Variants in GALNT18 observed in about 807,000 individuals in gnomAD.
GALNT18 encodes the protein GalNAc-transferase 18.
Under a neutral mutation model 69.5 loss-of-function variants are expected in GALNT18, and 44 were observed. The observed-to-expected ratio is 0.63, with a 90% confidence interval of 0.50 to 0.81. The LOEUF is 0.81. GALNT18 is among the 40% of genes least tolerant of loss of function. The pLI is 0.00. For missense variants in GALNT18, 715 were observed against 810.0 expected, an observed-to-expected ratio of 0.88 and a Z score of 1.42; for synonymous variants, 364 against 318.2, an observed-to-expected ratio of 1.14 and a Z score of -1.53.
chr11:11,405,652 A>C lies in GALNT18; in HGVS notation c.596-26388T>G, dbSNP rs144282206. ...TTAGGAAAGTTAGAGAGACGCGCCG[A>C]ATGCAGACCACAAGTGGGGGCCCTC... On this transcript the variant is annotated intron_variant, in intron 3 of 10. Transcript: ENST00000227756. Among the ~76,000 whole-genome samples, 139 of 152,384 alleles carry C rather than the reference A, an allele frequency of 9.1e-4. 1 individual carries two copies. Among genetic ancestry groups the C allele is most frequent in the African/African-American group, 3.3e-3 (137 of 41,594 alleles).
intron 1 of GALNT18, among the ~76,000 whole-genome samples, chr11:11,579,217 G>A (rs975500828): frequency 6.6e-6 from 1 of 152,184 alleles, no homozygotes; most frequent in Admixed American, 6.5e-5. Context: ...TCCTGCAGCC[G>A]TGGCATGGCG....
In GALNT18 at chr11:11,430,563, G is replaced by C. The variant is rs1021253513; in HGVS notation, c.595+2058C>G. The stretch of plus-strand genomic sequence containing the variant: ...TTGTGAAAGGTCTAGGGTGCTGCTC[G>C]TCTGCATCCCTGATGACGGACTACT... On this transcript the variant is annotated intron_variant, in intron 3 of 10. Transcript: ENST00000227756. This position sits in a 1 kb window ranked among gnomAD's most constrained non-coding sequence, Gnocchi z 4.9. 6.6e-6 allele frequency among the ~76,000 whole-genome samples: 1 copy of C among 152,216 alleles called. No individual in the cohort carries two copies.
At position 11,454,843 on chromosome 11, in the gene GALNT18, C is replaced by A. The variant is rs916915112; in HGVS notation, c.236-5907G>T. On this transcript the variant is annotated intron_variant, in intron 1 of 10. Coordinates refer to ENST00000227756, the MANE Select transcript of GALNT18 (RefSeq NM_198516.3). The surrounding 1 kb of genome is among the most constrained non-coding windows in gnomAD (Gnocchi z 4.2). ...AAGGTGCTCATTACAGAAATCCTCA[C>A]CATCAAGCCCTGAGGGGAGGATTCC... Among the ~76,000 whole-genome samples the A allele has an allele frequency of 6.6e-6, 1 of 152,210 alleles. No individual in the cohort carries two copies. The highest frequency in any genetic ancestry group is 1.5e-5 in the Non-Finnish European group (1 of 68,040).
chr11:11,510,769 T>C (rs986756535), intron 1 of GALNT18, among the ~76,000 whole-genome samples: 5 of 152,182 alleles, frequency 3.3e-5, no homozygotes, highest in Admixed American at 2.6e-4. Flanking sequence ...GAAAATGGGA[T>C]CTCTGTGACT....
At chr11:11,452,527 C>T (rs535706744) in intron 1 of GALNT18, among the ~76,000 whole-genome samples, 15 of 152,218 alleles carry the variant, frequency 9.9e-5, no homozygotes, top group Non-Finnish European at 1.8e-4. Context: ...AAGATGCTGA[C>T]GCCTTCCAGC....
chr11:11,410,061 C>G (rs1854692586), intron 3 of GALNT18, among the ~76,000 whole-genome samples: 1 of 152,318 alleles, frequency 6.6e-6, no homozygotes, highest in African/African-American at 2.4e-5. Flanking sequence ...CTTTGTCTCT[C>G]TGGACGGGGC....
intron 6 of GALNT18, among the ~76,000 whole-genome samples, chr11:11,354,483 C>T (rs78059043): frequency 0.022 from 3,314 of 152,304 alleles, 63 homozygotes; most frequent in Non-Finnish European, 0.032. Flanking sequence ...CAATTCACTT[C>T]ACCTTCCAAC....
intron 2 of GALNT18, among the ~76,000 whole-genome samples, chr11:11,441,303 T>C (rs984594516): frequency 6.6e-6 from 1 of 152,230 alleles, no homozygotes; most frequent in Non-Finnish European, 1.5e-5. Context: ...GTACAGTTAG[T>C]GTGTTCAATT....
At chr11:11,576,997 A>C (rs956230453) in intron 1 of GALNT18, among the ~76,000 whole-genome samples, 2 of 152,124 alleles carry the variant, frequency 1.3e-5, no homozygotes, top group Non-Finnish European at 2.9e-5. Flanking sequence ...GCAGTTGTTT[A>C]ACTCTTTTTC....
intron 10 of GALNT18, among the ~76,000 whole-genome samples, chr11:11,292,627 T>C (rs1849321798): frequency 6.6e-6 from 1 of 152,104 alleles, no homozygotes; most frequent in Admixed American, 6.5e-5. Context: ...GAGGCTTGTA[T>C]AGGAGAAACG....
chr11:11,456,207 C>T (rs1855921105), intron 1 of GALNT18, among the ~76,000 whole-genome samples: 1 of 152,172 alleles, frequency 6.6e-6, no homozygotes, highest in Non-Finnish European at 1.5e-5. Flanking sequence ...AATTCCATTG[C>T]ACTGCACCTA....
rs1049507723 is a variant in GALNT18 at position 11,587,935 on chromosome 11, T to C, written c.235+33424A>G. Among the ~76,000 whole-genome samples the C allele has an allele frequency of 2.0e-5, 3 of 152,140 alleles. No homozygotes were observed. The highest frequency in any genetic ancestry group is 7.2e-5 in the African/African-American group (3 of 41,428). On this transcript the variant is annotated intron_variant, in intron 1 of 10. Coordinates refer to ENST00000227756, the MANE Select transcript of GALNT18 (RefSeq NM_198516.3). The surrounding 1 kb of genome is among the most constrained non-coding windows in gnomAD (Gnocchi z 4.4). ...TTCTACTAATTCACTAAGAGTGGCA[T>C]GTCTCTACCAATAAATTACAAAATA...
At chr11:11,475,494 G>A (rs543511380) in intron 1 of GALNT18, 1 of 152,168 alleles carries the variant, frequency 6.6e-6, no homozygotes, top group Non-Finnish European at 1.5e-5. Flanking sequence ...TGTGGCTCTT[G>A]AGACCCCAAA....
intron 3 of GALNT18, among the ~76,000 whole-genome samples, chr11:11,425,106 T>A (rs1855097810): frequency 6.6e-6 from 1 of 152,220 alleles, no homozygotes; most frequent in African/African-American, 2.4e-5. Flanking sequence ...CAGCTAGGAT[T>A]AATTGGCTGA....
rs761509486 is a variant in GALNT18 at position 11,379,143 on chromosome 11, C to A, written c.717G>T (p.Trp239Cys). 1.2e-6 allele frequency: 2 copies of A among 1,611,728 alleles called. No homozygotes were observed. Among genetic ancestry groups the A allele is most frequent in the South Asian group, 2.2e-5 (2 of 90,990 alleles). ...CCACCACAGGGGCAGTGGCCGCCCT[C>A]CAGCCACTGACCCTGGAGCGGATGA... The part of the protein sequence containing the change: ...EGLIRSRVSG[W>C]RAATAPVVAL... Residue 239 changes from tryptophan to cysteine, a missense_variant, in exon 4 of 11, where the codon TGG (tryptophan) becomes TGT (cysteine). Trp to Cys is a radical substitution (Grantham distance 215). Coordinates refer to ENST00000227756, the MANE Select transcript of GALNT18 (RefSeq NM_198516.3).
intron 6 of GALNT18, chr11:11,352,200 T>C (rs1850423881): frequency 3.1e-6 from 5 of 1,613,764 alleles, no homozygotes; most frequent in Non-Finnish European, 4.2e-6. Flanking sequence ...CTGGTGGTCA[T>C]ATCGCAGCAG....
intron 1 of GALNT18, among the ~76,000 whole-genome samples, chr11:11,460,377 G>A (rs1297156198): frequency 2.0e-5 from 3 of 152,176 alleles, no homozygotes; most frequent in African/African-American, 7.2e-5. Context: ...CATTTGCAAA[G>A]AGCCTACCAT....
chr11:11,419,835 C>G (rs1167476855), intron 3 of GALNT18, among the ~76,000 whole-genome samples: 1 of 152,004 alleles, frequency 6.6e-6, no homozygotes, highest in Non-Finnish European at 1.5e-5. Flanking sequence ...TAAAATCAAC[C>G]ATAACCTGGG....
At chr11:11,327,871 C>T (rs565732815) in intron 8 of GALNT18, among the ~76,000 whole-genome samples, 1 of 152,318 alleles carries the variant, frequency 6.6e-6, no homozygotes, top group African/African-American at 2.4e-5. Context: ...AGCCCATAGA[C>T]CTCATGGCCC....
Sources: gnomAD v4.1 joint callset for allele counts (sites outside exome capture counted in the v4.1 genomes callset) on GRCh38, gnomAD v4.1.1 for gene constraint, Gnocchi (gnomAD v3.1) non-coding constraint, MANE v1.5 for transcripts, NCBI Gene and HGNC (gene_info 2026-07-23, HGNC 2026-07-21) for gene names.